The following CSF3 variants were observed in gnomAD, a reference collection of about 807,000 sequenced individuals.
CSF3 encodes the protein granulocyte colony-stimulating factor.
In CSF3, 17 loss-of-function variants were observed where a neutral mutation model predicts 20.2. The ratio of observed to expected loss-of-function variants is 0.84; its 90% CI spans 0.58 to 1.26. CSF3 has a LOEUF of 1.26. Among genes scored for constraint, CSF3 ranks in the 50% most tolerant of loss-of-function variants. The pLI is 0.00. For synonymous variants in CSF3, 125 were observed against 115.3 expected, an observed-to-expected ratio of 1.08 and a Z score of -0.54; for missense variants, 210 against 256.0, an observed-to-expected ratio of 0.82 and a Z score of 1.23.
intron 2 of CSF3, 77 bp downstream of exon 2, chr17:40,015,922 C>T: frequency 6.6e-7 from 1 of 1,508,642 alleles, no homozygotes; most frequent in Non-Finnish European, 8.9e-7. Context: ...GCAGGGCCAA[C>T]ATCCTCTGGA....
At chr17:40,016,121 A>T (rs1173513760) in intron 2 of CSF3, 112 bp from the exon 3 acceptor site, 1 of 928,226 alleles carries the variant, frequency 1.1e-6, no homozygotes, top group Non-Finnish European at 1.6e-6. Context: ...AGAGGAACTG[A>T]ACAGCCTGGC....
chr17:40,016,650 G>T lies in CSF3; in HGVS notation c.450+19G>T. On this transcript the variant is annotated intron_variant, in intron 4 of 4. Transcript: ENST00000394149. ...GCAGCAGGTGAGCCTTGTTGGGCAG[G>T]GTGGCCAAGGTCGTGCTGGCATTCT... The T allele has an allele frequency of 6.2e-7, 1 of 1,613,700 alleles. No homozygotes were observed. Among genetic ancestry groups the T allele is most frequent in the Middle Eastern group, 1.7e-4 (1 of 6,060 alleles).
intron 4 of CSF3, 34 bp from the exon 5 acceptor site, chr17:40,016,761 G>A (rs755078233): frequency 6.2e-7 from 1 of 1,612,894 alleles, no homozygotes; most frequent in South Asian, 1.1e-5. Context: ...CCACTCAGAA[G>A]GGCCCAACCA....
intron 2 of CSF3, 148 bp from the exon 3 acceptor site, chr17:40,016,084 AG>A: frequency 1.2e-6 from 1 of 809,980 alleles, no homozygotes; most frequent in Non-Finnish European, 1.9e-6. Flanking sequence ...GGCCCCTGTG[AG>A]ATCAGAGAGT....
At position 40,016,313 on chromosome 17, in the gene CSF3, C is replaced by T; in HGVS notation, c.276C>T (p.Ser92=). Residue 92 remains serine (S), a synonymous_variant, in exon 3 of 5, where the codon AGC becomes AGT. Transcript: ENST00000394149. ...HSLGIPWAPL[S]SCPSQALQLA... ...TGGGCATCCCCTGGGCTCCCCTGAGCAGCTGCCCCAGCCAGGCCCTGCAGC... is the reference window on the plus strand; with the variant it reads ...TGGGCATCCCCTGGGCTCCCCTGAGTAGCTGCCCCAGCCAGGCCCTGCAGC... 1 of 1,610,622 alleles carries T rather than the reference C, an allele frequency of 6.2e-7. No homozygotes were observed. The highest frequency in any genetic ancestry group is 8.5e-7 in the Non-Finnish European group (1 of 1,178,456).
Position 40,016,616 on chromosome 17 carries a change from C to T in CSF3, c.435C>T (p.Thr145=). The T allele has an allele frequency of 6.2e-7, 1 of 1,614,156 alleles. No homozygotes were observed. Residue 145 remains threonine (T), a synonymous_variant, in exon 4 of 5, where the codon ACC becomes ACT. Transcript: ENST00000394149. Reference sequence around the variant, plus strand: ...AGCTGGACGTCGCCGACTTTGCCACCACCATCTGGCAGCAGGTGAGCCTTG... The same window carrying T: ...AGCTGGACGTCGCCGACTTTGCCACTACCATCTGGCAGCAGGTGAGCCTTG... The part of the protein sequence containing the change: ...TLQLDVADFA[T]TIWQQMEELG...
At chr17:40,016,186 G>C in intron 2 of CSF3, 47 bp from the exon 3 acceptor site, 1 of 1,419,380 alleles carries the variant, frequency 7.0e-7, no homozygotes, top group Non-Finnish European at 9.5e-7. Context: ...GGGAAGGAGC[G>C]GCGACCCGGC....
Position 40,016,582 on chromosome 17 carries a change from A to T in CSF3, c.401A>T (p.Asp134Val). The T allele has an allele frequency of 6.2e-7, 1 of 1,614,148 alleles. No individual in the cohort carries two copies. The highest frequency in any genetic ancestry group is 8.5e-7 in the Non-Finnish European group (1 of 1,180,006). Residue 134 changes from aspartate (D) to valine (V), a missense_variant, in exon 4 of 5, where the codon GAC (aspartate) becomes GTC (valine). Coordinates refer to ENST00000394149, the MANE Select transcript of CSF3 (RefSeq NM_172219.3). ...GISPELGPTL[D>V]TLQLDVADFA... ...TCCCCCGAGTTGGGTCCCACCTTGG[A>T]CACACTGCAGCTGGACGTCGCCGAC...
At chr17:40,015,969 G>C in intron 2 of CSF3, 124 bp downstream of exon 2, 1 of 1,370,580 alleles carries the variant, frequency 7.3e-7, no homozygotes. Context: ...GTGGAGCTGG[G>C]GAAGGCTGGG....
chr17:40,016,630 A>G lies in CSF3; in HGVS notation c.449A>G (p.Gln150Arg). 1 of 1,614,096 alleles carries G rather than the reference A, an allele frequency of 6.2e-7. No homozygotes were observed. Among genetic ancestry groups the G allele is most frequent in the Non-Finnish European group, 8.5e-7 (1 of 1,180,006 alleles). The change falls in exon 4 of 5, where the codon CAG becomes CGG. Residue 150 changes from glutamine (Q) to arginine (R), a missense_variant and splice_region_variant. By Grantham distance (43) the Gln-to-Arg change is conservative (BLOSUM62 1). Transcript: ENST00000394149. Reference sequence around the variant, plus strand: ...GACTTTGCCACCACCATCTGGCAGCAGGTGAGCCTTGTTGGGCAGGGTGGC... The same window carrying G: ...GACTTTGCCACCACCATCTGGCAGCGGGTGAGCCTTGTTGGGCAGGGTGGC... ...VADFATTIWQ[Q>R]MEELGMAPAL...
Position 40,017,138 on chromosome 17 carries a change from C to G in CSF3, c.*179C>G. On this transcript the variant is annotated 3_prime_UTR_variant, in exon 5 of 5. Transcript: ENST00000394149. ...GAAAAAGCTCCTGTCCTCCCATCCC[C>G]TGGACTGGGAGGTAGATAGGTAAAT... 3.5e-6 allele frequency: 2 copies of G among 577,584 alleles called. No homozygotes were observed. The highest frequency in any genetic ancestry group is 5.8e-6 in the Non-Finnish European group (2 of 343,462). The allele number at this position is 577,584 out of a possible 1,614,324, so 35.8% of individuals were successfully genotyped here.
intron 2 of CSF3, 150 bp downstream of exon 2, chr17:40,015,995 G>A: frequency 3.2e-6 from 4 of 1,238,942 alleles, no homozygotes; most frequent in Non-Finnish European, 4.4e-6. Flanking sequence ...ACTTGGGGAG[G>A]AGGACCTTGG....
chr17:40,016,231 A>C lies in CSF3; in HGVS notation c.196-2A>C. The C allele has an allele frequency of 6.5e-7, 1 of 1,544,702 alleles. No individual in the cohort carries two copies. The highest frequency in any genetic ancestry group is 8.7e-7 in the Non-Finnish European group (1 of 1,143,268). ...TCTCACTCAGCATCCTTCCATCCCC[A>C]GTGTGCCACCTACAAGCTGTGCCAC... On this transcript the variant is annotated splice_acceptor_variant, in intron 2 of 4. Transcript: ENST00000394149. LOFTEE classifies it high-confidence loss of function.
rs749993200 is a variant in CSF3 at position 40,016,294 on chromosome 17, T to C, written c.257T>C (p.Ile86Thr). ...ELVLLGHSLG[I>T]PWAPLSSCPS... ...GTGCTGCTCGGACACTCTCTGGGCA[T>C]CCCCTGGGCTCCCCTGAGCAGCTGC... The change falls in exon 3 of 5, where the codon ATC becomes ACC. Residue 86 changes from isoleucine (I) to threonine (T), a missense_variant. By Grantham distance (89) the Ile-to-Thr change is moderately conservative (BLOSUM62 -1). Coordinates refer to ENST00000394149, the MANE Select transcript of CSF3 (RefSeq NM_172219.3). The C allele has an allele frequency of 6.2e-7, 1 of 1,601,608 alleles. No homozygotes were observed. Among genetic ancestry groups the C allele is most frequent in the South Asian group, 1.1e-5 (1 of 89,826 alleles).
chr17:40,015,669 C>T, intron 1 of CSF3, 22 bp from the exon 2 acceptor site: 1 of 1,567,748 alleles, frequency 6.4e-7, no homozygotes, highest in Non-Finnish European at 8.7e-7. Context: ...CAGCATGTCT[C>T]CTGAGCCCGC....
rs535187048 is a variant in CSF3 at position 40,015,455 on chromosome 17, G to C, written c.-20G>C. 1 of 1,550,922 alleles carries C rather than the reference G, an allele frequency of 6.4e-7. No homozygotes were observed. The highest frequency in any genetic ancestry group is 1.4e-5 in the African/African-American group (1 of 73,132). The stretch of plus-strand genomic sequence containing the variant: ...GCCCCAAAACAGCCCGGAGCCTGCA[G>C]CCCAGCCCCACCCAGACCCATGGCT... On this transcript the variant is annotated 5_prime_UTR_variant, in exon 1 of 5. Coordinates refer to ENST00000394149, the MANE Select transcript of CSF3 (RefSeq NM_172219.3).
rs143570548 is a variant in CSF3 at position 40,017,289 on chromosome 17, C to T, written c.*330C>T. 1.5e-3 allele frequency: 279 copies of T among 186,356 alleles called. No individual in the cohort carries two copies. The highest frequency in any genetic ancestry group is 2.6e-3 in the Non-Finnish European group (232 of 90,656). The allele number at this position is 186,356 out of a possible 1,614,324, so 11.5% of individuals were successfully genotyped here. A position where few individuals can be genotyped will look rare whatever the true frequency, so the allele number is the denominator to read the frequency against. On this transcript the variant is annotated 3_prime_UTR_variant, in exon 5 of 5. Coordinates refer to ENST00000394149, the MANE Select transcript of CSF3 (RefSeq NM_172219.3). ...ACCCTTGAGAGTATCAGGTCTCCCA[C>T]GTGGGAGACAAGAAATCCCTGTTTA...
Position 40,015,714 on chromosome 17 carries a change from A to G in CSF3, c.64A>G (p.Ser22Gly), listed in dbSNP as rs755462486. Reference sequence around the variant, plus strand: ...AGCCCTGCAGCTGCTGCTGTGGCACAGTGCACTCTGGACAGTGCAGGAAGC... The same window carrying G: ...AGCCCTGCAGCTGCTGCTGTGGCACGGTGCACTCTGGACAGTGCAGGAAGC... ...LMALQLLLWHSALWTVQEATP... is the reference protein window; with the variant it reads ...LMALQLLLWHGALWTVQEATP... The change falls in exon 2 of 5, where the codon AGT (serine) becomes GGT (glycine). Residue 22 changes from serine (S) to glycine (G), a missense_variant. Transcript: ENST00000394149. 4 of 1,590,698 alleles carry G rather than the reference A, an allele frequency of 2.5e-6. No individual in the cohort carries two copies. The highest frequency in any genetic ancestry group is 3.4e-6 in the Non-Finnish European group (4 of 1,166,856).
At chr17:40,015,926 C>T in intron 2 of CSF3, 81 bp downstream of exon 2, 1 of 1,501,344 alleles carries the variant, frequency 6.7e-7, no homozygotes, top group Non-Finnish European at 9.0e-7. Context: ...GGCCAACATC[C>T]TCTGGAAGGG....
Sources: gnomAD v4.1 joint callset for allele counts on GRCh38, gnomAD v4.1.1 for gene constraint, MANE v1.5 for transcripts, NCBI Gene and HGNC (gene_info 2026-07-23, HGNC 2026-07-21) for gene names.